SLC7A2: variants seen among roughly 807,000 people sequenced by gnomAD.
SLC7A2 encodes cationic amino acid transporter 2.
A neutral mutation model predicts 58.9 loss-of-function variants in SLC7A2; 48 were observed. The observed-to-expected ratio is 0.82, with a 90% CI of 0.65 to 1.04. The LOEUF is 1.04. Among genes scored for constraint, SLC7A2 ranks in the 50% least tolerant of loss-of-function variants. The pLI is 0.00. For missense variants in SLC7A2, 1,029 were observed against 818.8 expected, an observed-to-expected ratio of 1.26 and a Z score of -3.13; for synonymous variants, 363 against 314.5, an observed-to-expected ratio of 1.15 and a Z score of -1.63.
At chr8:17,539,310 A>G (rs1444269699) in intron 2 of SLC7A2, among the ~76,000 whole-genome samples, 2 of 152,162 alleles carry the variant, frequency 1.3e-5, no homozygotes, top group Non-Finnish European at 2.9e-5. Flanking sequence ...AGAAATGGTT[A>G]TACTTAAGTT....
chr8:17,548,898 G>A (rs1802308333), intron 5 of SLC7A2, 55 bp downstream of exon 5: 1 of 1,439,062 alleles, frequency 6.9e-7, no homozygotes, highest in African/African-American at 1.4e-5. Flanking sequence ...AATATTTTAA[G>A]TGGGTGTATT....
intron 2 of SLC7A2, 101 bp from the exon 3 acceptor site, chr8:17,543,209 CACACACAA>C: frequency 8.2e-6 from 8 of 979,594 alleles, no homozygotes; most frequent in Non-Finnish European, 1.2e-5. Flanking sequence ...CACACACACA[CACACACAA>C]ACACACACAC....
chr8:17,535,414 C>A (rs1037489068), intron 2 of SLC7A2, among the ~76,000 whole-genome samples: 2 of 152,166 alleles, frequency 1.3e-5, no homozygotes, highest in African/African-American at 4.8e-5. Context: ...GAGTTAGGAG[C>A]CCTTGCAGTG....
At chr8:17,549,333 C>G (rs1802335175) in intron 5 of SLC7A2, among the ~76,000 whole-genome samples, 1 of 152,238 alleles carries the variant, frequency 6.6e-6, no homozygotes, top group Admixed American at 6.5e-5. Flanking sequence ...TTCTGAGAGA[C>G]TGTTCCATTC....
chr8:17,564,936 TCCTGC>T lies in SLC7A2; in HGVS notation c.1781-11_1781-7del, dbSNP rs1235110076. ...TACCTGAAACATTGATTTTTTTTTT[TCCTGC>T]CCCAACAGGCTTCCTGATTTACTTT... On this transcript the variant is annotated splice_polypyrimidine_tract_variant and intron_variant, in intron 12 of 12. Transcript: ENST00000494857. 1 of 1,553,238 alleles carries T rather than the reference TCCTGC, an allele frequency of 6.4e-7. No individual in the cohort carries two copies. Among genetic ancestry groups the T allele is most frequent in the Non-Finnish European group, 8.7e-7 (1 of 1,153,650 alleles).
chr8:17,536,404 A>G (rs1801668233), intron 2 of SLC7A2, among the ~76,000 whole-genome samples: 1 of 152,154 alleles, frequency 6.6e-6, no homozygotes, highest in Non-Finnish European at 1.5e-5. Context: ...GTCTCTACCA[A>G]AAATACAAAA....
At chr8:17,511,333 G>A (rs905756533) in intron 2 of SLC7A2, 10 of 152,128 alleles carry the variant, frequency 6.6e-5, no homozygotes, top group South Asian at 4.1e-4. Flanking sequence ...GTCCTGCAGC[G>A]TTGATGTTTC....
chr8:17,549,735 AGGT>A (rs1802356995), intron 5 of SLC7A2, among the ~76,000 whole-genome samples: 1 of 152,160 alleles, frequency 6.6e-6, no homozygotes, highest in Non-Finnish European at 1.5e-5. Context: ...TTCTTGACAG[AGGT>A]TGTTTAGTCA....
chr8:17,559,953 A>G (rs1436892029), intron 9 of SLC7A2, among the ~76,000 whole-genome samples: 1 of 152,226 alleles, frequency 6.6e-6, no homozygotes, highest in East Asian at 1.9e-4. Flanking sequence ...TGGTGACTGC[A>G]TTATTTTATA....
chr8:17,546,261 C>T (rs914684093), intron 4 of SLC7A2, among the ~76,000 whole-genome samples: 2 of 152,210 alleles, frequency 1.3e-5, no homozygotes, highest in Non-Finnish European at 2.9e-5. Flanking sequence ...AATTCCACAG[C>T]AAGACTCAGG....
At chr8:17,530,727 C>T (rs552165507) in intron 2 of SLC7A2, among the ~76,000 whole-genome samples, 4 of 152,006 alleles carry the variant, frequency 2.6e-5, no homozygotes, top group Non-Finnish European at 5.9e-5. Flanking sequence ...GACGTGCCAC[C>T]ATGCCTGGCT....
intron 2 of SLC7A2, 99 bp from the exon 3 acceptor site, chr8:17,543,219 C>CAA: frequency 2.8e-6 from 2 of 723,398 alleles, no homozygotes; most frequent in Non-Finnish European, 2.1e-6. Flanking sequence ...CACACACAAA[C>CAA]ACACACACAC....
chr8:17,538,595 A>G (rs568276873), intron 2 of SLC7A2, among the ~76,000 whole-genome samples: 4 of 152,338 alleles, frequency 2.6e-5, no homozygotes, highest in East Asian at 1.9e-4. Context: ...TATCATGGCT[A>G]TATCTTTTTC....
At chr8:17,543,178 C>T (rs1451656049) in intron 2 of SLC7A2, 140 bp from the exon 3 acceptor site, 11 of 774,874 alleles carry the variant, frequency 1.4e-5, no homozygotes, top group Non-Finnish European at 2.2e-5. Context: ...TGCATCTCTT[C>T]TAACAAGTGA....
chr8:17,526,641 A>G (rs971088989), intron 2 of SLC7A2, among the ~76,000 whole-genome samples: 1 of 152,090 alleles, frequency 6.6e-6, no homozygotes, highest in Non-Finnish European at 1.5e-5. Context: ...GGAAAGAGGT[A>G]GTCACCTTTA....
At chr8:17,535,987 C>A (rs1053303716) in intron 2 of SLC7A2, among the ~76,000 whole-genome samples, 3 of 152,028 alleles carry the variant, frequency 2.0e-5, no homozygotes, top group Non-Finnish European at 2.9e-5. Context: ...TTCTCTGATT[C>A]AGGAAGCTTA....
intron 2 of SLC7A2, among the ~76,000 whole-genome samples, chr8:17,530,573 ATTTTT>A (rs11389186): frequency 2.1e-5 from 3 of 140,420 alleles, no homozygotes; most frequent in Non-Finnish European, 3.1e-5. Flanking sequence ...GAGTAAATAG[ATTTTT>A]TTTTTTTTTT....
At position 17,564,849 on chromosome 8, in the gene SLC7A2, G is replaced by A. The variant is rs1014319346; in HGVS notation, c.1781-101G>A. On this transcript the variant is annotated intron_variant, in intron 12 of 12. Coordinates refer to ENST00000494857, the MANE Select transcript of SLC7A2 (RefSeq NM_001370338.1). ...GTTCTAAAGTACTACAGAAAGGAAA[G>A]AGACAAACTCTATTAAGTTCTACAT... The A allele has an allele frequency of 6.9e-6, 7 of 1,010,264 alleles. No homozygotes were observed. In the African/African-American group the frequency reaches 1.1e-4, roughly 16 times the overall value. 62.6% of individuals were successfully genotyped at this position (1,010,264 alleles called of 1,614,324 possible). A position where few individuals can be genotyped will look rare whatever the true frequency, so the allele number is the denominator to read the frequency against.
intron 2 of SLC7A2, among the ~76,000 whole-genome samples, chr8:17,539,609 T>G (rs1422579449): frequency 1.3e-5 from 2 of 152,220 alleles, no homozygotes. Flanking sequence ...CCTTATATTC[T>G]AAGGCCAAGG....
Sources: allele counts gnomAD v4.1 joint callset (sites outside exome capture counted in the v4.1 genomes callset), GRCh38; gene constraint gnomAD v4.1.1; transcripts MANE v1.5; gene names NCBI Gene and HGNC (gene_info 2026-07-23, HGNC 2026-07-21).